Variants in BANK1 observed in about 807,000 individuals in gnomAD.
BANK1 encodes B cell scaffold protein with ankyrin repeats 1, also known as B-cell scaffold protein with ankyrin repeats.
In BANK1, 95 loss-of-function variants were observed where a neutral mutation model predicts 94.5. The ratio of observed to expected loss-of-function variants is 1.00; its 90% confidence interval spans 0.85 to 1.19. The LOEUF (loss-of-function observed/expected upper bound fraction) is 1.19. BANK1 is among the 50% of genes most tolerant of loss of function. The pLI is 0.00. For synonymous variants in BANK1, 334 were observed against 308.4 expected, an observed-to-expected ratio of 1.08 and a Z score of -0.87; for missense variants, 987 against 932.2, an observed-to-expected ratio of 1.06 and a Z score of -0.77.
Position 101,907,960 on chromosome 4 carries a change from C to T in BANK1, c.1010-10033C>T, listed in dbSNP as rs368573680. 4.8e-3 allele frequency among the ~76,000 whole-genome samples: 726 copies of T among 152,254 alleles called. 13 individuals carry two copies. In the East Asian group the frequency reaches 0.058, roughly 12 times the overall value. ...GCTCATGGGTAGGAAGAATCAGTAT[C>T]GTGAAAATAGCCATACTGCCCAAGG... is the stretch of plus-strand genomic sequence containing the variant. On this transcript the variant is annotated intron_variant, in intron 6 of 16. Transcript: ENST00000322953.
At chr4:101,995,459 C>G (rs1725845059) in intron 7 of BANK1, among the ~76,000 whole-genome samples, 1 of 151,932 alleles carries the variant, frequency 6.6e-6, no homozygotes, top group South Asian at 2.1e-4. Flanking sequence ...GGGTATATAC[C>G]CAGTAATGGG....
chr4:101,990,768 T>C (rs1718332483), intron 7 of BANK1, among the ~76,000 whole-genome samples: 1 of 152,158 alleles, frequency 6.6e-6, no homozygotes, highest in Non-Finnish European at 1.5e-5. Flanking sequence ...ACATTCAACA[T>C]CATCAAAATA....
At chr4:101,977,190 G>C (rs1725164198) in intron 7 of BANK1, 1 of 152,086 alleles carries the variant, frequency 6.6e-6, no homozygotes, top group Non-Finnish European at 1.5e-5. Flanking sequence ...TGGGGCTTCT[G>C]CTCATCATAA....
At chr4:101,905,159 T>C (rs1158826720) in intron 6 of BANK1, among the ~76,000 whole-genome samples, 3 of 152,246 alleles carry the variant, frequency 2.0e-5, no homozygotes, top group Non-Finnish European at 4.4e-5. Flanking sequence ...CATTATAATC[T>C]GAATCAATGA....
chr4:101,852,483 TATATATATATATATATATATAC>T (rs1248804707), intron 2 of BANK1, among the ~76,000 whole-genome samples: 3 of 107,354 alleles, frequency 2.8e-5, no homozygotes, highest in African/African-American at 1.1e-4. Context: ...TATATATATA[TATATATATATATATATATATAC>T]ACACACACAT....
chr4:101,961,780 T>C (rs1444556897), intron 7 of BANK1, among the ~76,000 whole-genome samples: 1 of 152,190 alleles, frequency 6.6e-6, no homozygotes, highest in African/African-American at 2.4e-5. Context: ...TTCAGTGCTA[T>C]TTAAAATATT....
intron 10 of BANK1, among the ~76,000 whole-genome samples, chr4:102,038,969 A>C (rs576620278): frequency 3.9e-5 from 6 of 152,302 alleles, no homozygotes; most frequent in African/African-American, 1.4e-4. Context: ...CCACTGAATT[A>C]GAATTTTTAC....
intron 4 of BANK1, among the ~76,000 whole-genome samples, chr4:101,863,253 T>A (rs866514068): frequency 1.3e-5 from 2 of 151,954 alleles, no homozygotes; most frequent in Middle Eastern, 3.2e-3. Flanking sequence ...TAACCATAAT[T>A]GCAACAATAA....
intron 6 of BANK1, among the ~76,000 whole-genome samples, chr4:101,912,766 C>T (rs1722706781): frequency 6.6e-6 from 1 of 151,760 alleles, no homozygotes; most frequent in African/African-American, 2.4e-5. Flanking sequence ...GGCAGTGCTT[C>T]CAAAGGCGTC....
At chr4:101,825,992 G>T (rs1317257799) in intron 1 of BANK1, among the ~76,000 whole-genome samples, 1 of 151,974 alleles carries the variant, frequency 6.6e-6, no homozygotes, top group Non-Finnish European at 1.5e-5. Context: ...GCCAAATAAC[G>T]TGGGAGTATT....
intron 7 of BANK1, among the ~76,000 whole-genome samples, chr4:102,013,135 G>T (rs1371249977): frequency 2.0e-5 from 3 of 152,016 alleles, no homozygotes; most frequent in Non-Finnish European, 4.4e-5. Flanking sequence ...CTACTATCTG[G>T]TACACCCCGT....
At chr4:102,032,730 A>G (rs1727361456) in intron 10 of BANK1, among the ~76,000 whole-genome samples, 1 of 151,940 alleles carries the variant, frequency 6.6e-6, no homozygotes, top group Non-Finnish European at 1.5e-5. Flanking sequence ...TAAAAATACA[A>G]AAAAGTTACC....
At chr4:102,057,182 A>G (rs533056282) in intron 11 of BANK1, among the ~76,000 whole-genome samples, 12 of 152,124 alleles carry the variant, frequency 7.9e-5, no homozygotes, top group Admixed American at 6.5e-4. Context: ...TTAAATAACA[A>G]AAAATAACTT....
In BANK1 at chr4:101,951,134, G is replaced by A. The variant is rs185585237; in HGVS notation, c.1206+32945G>A. On this transcript the variant is annotated intron_variant, in intron 7 of 16. Coordinates refer to ENST00000322953, the MANE Select transcript of BANK1 (RefSeq NM_017935.5). ...AACAGTAATGTATCATTATTGCTTT[G>A]CTCAGCATTACAAAGGTACTGTATT... 5.9e-5 allele frequency among the ~76,000 whole-genome samples: 9 copies of A among 152,170 alleles called. No homozygotes were observed. The East Asian group carries it at 1.5e-3, about 26-fold the overall frequency.
In BANK1 at chr4:102,008,907, C is replaced by T. The variant is rs774286244; in HGVS notation, c.1207-12607C>T. ...TCTCAAAAAACACATAGCTCTTGTG[C>T]AAGCAAGTTCAGCGGAGAAAAACGA... On this transcript the variant is annotated intron_variant, in intron 7 of 16. Transcript: ENST00000322953. Among the ~76,000 whole-genome samples, 40 of 152,316 alleles carry T rather than the reference C, an allele frequency of 2.6e-4. No homozygotes were observed. The Middle Eastern group carries it at 0.01, about 39-fold the overall frequency.
At chr4:101,895,042 A>G (rs1372805365) in intron 5 of BANK1, among the ~76,000 whole-genome samples, 1 of 151,630 alleles carries the variant, frequency 6.6e-6, no homozygotes, top group Non-Finnish European at 1.5e-5. Flanking sequence ...TAAAATATAA[A>G]GTTATATTTT....
chr4:102,035,141 C>G (rs1727458101), intron 10 of BANK1, among the ~76,000 whole-genome samples: 1 of 152,300 alleles, frequency 6.6e-6, no homozygotes, highest in Non-Finnish European at 1.5e-5. Context: ...CTATATCAGT[C>G]TACTGATTCC....
chr4:101,861,930 G>A (rs529790675), intron 3 of BANK1, among the ~76,000 whole-genome samples: 2 of 151,818 alleles, frequency 1.3e-5, no homozygotes, highest in African/African-American at 4.8e-5. Context: ...ATTAAATCTA[G>A]AAACTTTAGA....
At chr4:101,891,568 C>T (rs747742523) in intron 5 of BANK1, among the ~76,000 whole-genome samples, 1 of 152,000 alleles carries the variant, frequency 6.6e-6, no homozygotes, top group Non-Finnish European at 1.5e-5. Flanking sequence ...TCCTTGTGTG[C>T]TTTTTCATCC....
Sources: allele counts gnomAD v4.1 joint callset (sites outside exome capture counted in the v4.1 genomes callset), GRCh38; gene constraint gnomAD v4.1.1; transcripts MANE v1.5; gene names NCBI Gene and HGNC (gene_info 2026-07-23, HGNC 2026-07-21).